Variants in RASA1 observed in about 807,000 individuals in gnomAD.
RASA1 encodes the protein RAS p21 protein activator 1, also known as ras GTPase-activating protein 1.
RASA1 carries 25 observed loss-of-function variants against 132.2 expected under a neutral mutation model. The ratio of observed to expected loss-of-function variants is 0.19; its 90% CI spans 0.14 to 0.26. The LOEUF is 0.26. RASA1 is among the 10% of genes least tolerant of loss of function. RASA1 has a pLI of 1.00. For missense variants in RASA1, 964 were observed against 1,299.2 expected (o/e 0.74, Z 3.97); for synonymous variants, 477 against 449.9 (o/e 1.06, Z -0.76).
chr5:87,367,053 A>G (rs1457761354), intron 11 of RASA1, among the ~76,000 whole-genome samples: 1 of 152,160 alleles, frequency 6.6e-6, no homozygotes, highest in Non-Finnish European at 1.5e-5. Flanking sequence ...ACCAAAAACA[A>G]CAACAAAAAT....
intron 21 of RASA1, 36 bp downstream of exon 21, chr5:87,383,816 A>G: frequency 3.3e-6 from 5 of 1,504,982 alleles, no homozygotes; most frequent in Non-Finnish European, 4.6e-6. Flanking sequence ...AATTCAAAAT[A>G]TTAGAATTAA....
At chr5:87,336,515 A>G (rs558892554) in intron 4 of RASA1, among the ~76,000 whole-genome samples, 2 of 152,272 alleles carry the variant, frequency 1.3e-5, no homozygotes, top group South Asian at 4.1e-4. Context: ...GATTTAATAA[A>G]GCACTTTAGC....
At chr5:87,386,792 C>A (rs1306592939) in intron 22 of RASA1, 34 bp from the exon 23 acceptor site, 2 of 1,574,456 alleles carry the variant, frequency 1.3e-6, no homozygotes, top group African/African-American at 2.7e-5. Flanking sequence ...TGGTTTGTTT[C>A]TGGTGCATAT....
At chr5:87,350,189 T>C (rs1759158863) in intron 8 of RASA1, among the ~76,000 whole-genome samples, 3 of 151,880 alleles carry the variant, frequency 2.0e-5, no homozygotes, top group Non-Finnish European at 1.5e-5. Flanking sequence ...CAAGTTCTTC[T>C]AGTTGCTTGC....
chr5:87,338,084 A>C lies in RASA1; in HGVS notation c.1010A>C (p.Glu337Ala). The change falls in exon 5 of 25, where the codon GAA (glutamate) becomes GCA (alanine). Residue 337 changes from glutamate (E) to alanine (A), a missense_variant. This residue lies in a region of RASA1 where 154 missense variants were observed against 286.5 expected (regional missense o/e 0.54). Transcript: ENST00000274376. The stretch of plus-strand genomic sequence containing the variant: ...GGCCTTATTGTTGAAGACCTAGTAG[A>C]AGAGGTGGTAAGTTTTGTTCTTTTC... ...EQGLIVEDLV[E>A]EVGREEDPHE... 6.2e-7 allele frequency: 1 copy of C among 1,612,212 alleles called. No individual in the cohort carries two copies. The highest frequency in any genetic ancestry group is 2.2e-5 in the East Asian group (1 of 44,638).
At chr5:87,296,051 G>A (rs537539956) in intron 1 of RASA1, among the ~76,000 whole-genome samples, 1 of 151,394 alleles carries the variant, frequency 6.6e-6, no homozygotes, top group African/African-American at 2.4e-5. Flanking sequence ...TCCTGACCTC[G>A]AGTGATCTGC....
chr5:87,331,182 A>T, intron 1 of RASA1, 166 bp from the exon 2 acceptor site: 1 of 949,440 alleles, frequency 1.1e-6, no homozygotes, highest in Non-Finnish European at 1.7e-6. Context: ...ATTTTTTGAG[A>T]CTGAGGTTAA....
intron 20 of RASA1, among the ~76,000 whole-genome samples, chr5:87,380,985 ACT>A (rs1237767950): frequency 6.6e-6 from 1 of 152,164 alleles, no homozygotes; most frequent in African/African-American, 2.4e-5. Flanking sequence ...ACAATCTGTG[ACT>A]CTGAGCTAAT....
In RASA1 at chr5:87,390,188, T is replaced by C. The variant is rs548329927; in HGVS notation, c.3061-612T>C. 1.1e-3 allele frequency among the ~76,000 whole-genome samples: 175 copies of C among 152,298 alleles called. 2 individuals are homozygous for C. The highest frequency in any genetic ancestry group is 4.1e-3 in the African/African-American group (169 of 41,566). ...CAGGTCAATTAAGATATTGGAGATA[T>C]AGAACAAAATGAGTTACACTTTGAA... On this transcript the variant is annotated intron_variant, in intron 24 of 24. Transcript: ENST00000274376.
chr5:87,366,405 C>T, intron 11 of RASA1: 1 of 400,800 alleles, frequency 2.5e-6, no homozygotes, highest in Non-Finnish European at 5.1e-6. Flanking sequence ...CCACATTACA[C>T]TTGATGGTAA....
At chr5:87,323,750 C>T (rs567790478) in intron 1 of RASA1, among the ~76,000 whole-genome samples, 1 of 151,788 alleles carries the variant, frequency 6.6e-6, no homozygotes, top group South Asian at 2.1e-4. Context: ...TTCCCACTGC[C>T]TGTTATATTT....
chr5:87,380,575 C>G lies in RASA1; in HGVS notation c.2670C>G (p.Thr890=). 1 of 1,612,334 alleles carries G rather than the reference C, an allele frequency of 6.2e-7. No individual in the cohort carries two copies. The highest frequency in any genetic ancestry group is 8.5e-7 in the Non-Finnish European group (1 of 1,178,580). The stretch of plus-strand genomic sequence containing the variant: ...AGCATAAGTGGCCTACAAATACCAC[C>G]ATGAGAACAAGAGTTGTTAGGTAAG... ...SVQHKWPTNT[T]MRTRVVSGFV... The change falls in exon 20 of 25, where the codon ACC becomes ACG. Residue 890 remains threonine, a synonymous_variant. Coordinates refer to ENST00000274376, the MANE Select transcript of RASA1 (RefSeq NM_002890.3).
chr5:87,275,608 G>T (rs921186107), intron 1 of RASA1, among the ~76,000 whole-genome samples: 2 of 151,316 alleles, frequency 1.3e-5, no homozygotes, highest in Non-Finnish European at 1.5e-5. Flanking sequence ...ATGGAGTCTT[G>T]CCCTGTCGCC....
intron 1 of RASA1, among the ~76,000 whole-genome samples, chr5:87,285,878 C>T (rs1754536419): frequency 6.6e-6 from 1 of 152,004 alleles, no homozygotes; most frequent in Non-Finnish European, 1.5e-5. Context: ...CTCAGCCTCC[C>T]AGAGTGCTGG....
chr5:87,346,544 G>A (rs1580319879), intron 6 of RASA1, 128 bp from the exon 7 acceptor site: 1 of 536,624 alleles, frequency 1.9e-6, no homozygotes, highest in Non-Finnish European at 3.4e-6. Context: ...ATAAGAATGA[G>A]ATGATTTGAT....
Position 87,369,832 on chromosome 5 carries a change from G to A in RASA1, c.1630G>A (p.Val544Ile). 1 of 1,611,366 alleles carries A rather than the reference G, an allele frequency of 6.2e-7. No individual in the cohort carries two copies. The highest frequency in any genetic ancestry group is 8.5e-7 in the Non-Finnish European group (1 of 1,178,420). ...TTAAAGGCCAAACTGTTTTCAGATA[G>A]TAGTTCAGCACTTTAGTGAAGAACA... ...LFGRPNCFQI[V>I]VQHFSEEHYI... Residue 544 changes from valine to isoleucine, a missense_variant, in exon 12 of 25, where the codon GTA (valine) becomes ATA (isoleucine). Coordinates refer to ENST00000274376, the MANE Select transcript of RASA1 (RefSeq NM_002890.3).
intron 1 of RASA1, among the ~76,000 whole-genome samples, chr5:87,285,029 G>T (rs1470899209): frequency 1.4e-5 from 2 of 143,314 alleles, no homozygotes; most frequent in African/African-American, 5.2e-5. Context: ...GGAGATAATG[G>T]TACCATTTAT....
intron 1 of RASA1, among the ~76,000 whole-genome samples, chr5:87,280,796 G>A (rs1001965857): frequency 1.9e-4 from 29 of 151,206 alleles, no homozygotes; most frequent in African/African-American, 6.6e-4. Flanking sequence ...TCACTCTGTC[G>A]CCCAGGCTGG....
rs372738450 is a variant in RASA1 at position 87,370,394 on chromosome 5, T to G, written c.1698+494T>G. On this transcript the variant is annotated intron_variant, in intron 12 of 24. Transcript: ENST00000274376. The stretch of plus-strand genomic sequence containing the variant: ...AGATTAGCTATTAATCCATGTGCAG[T>G]GTCCTTCTTATAGCGTCTATTAAGT... Among the ~76,000 whole-genome samples the G allele has an allele frequency of 3.9e-4, 60 of 152,356 alleles. No individual in the cohort carries two copies. The South Asian group carries it at 0.012, about 31-fold the overall frequency.
Sources: allele counts gnomAD v4.1 joint callset (sites outside exome capture counted in the v4.1 genomes callset), GRCh38; gene constraint gnomAD v4.1.1; regional missense constraint gnomAD v4.1.1; transcripts MANE v1.5; gene names NCBI Gene and HGNC (gene_info 2026-07-23, HGNC 2026-07-21).